Variants in PACRG observed in about 807,000 individuals in gnomAD.
PACRG encodes the protein parkin coregulated.
In PACRG, 29 loss-of-function variants were observed where a neutral mutation model predicts 29.7. The ratio of observed to expected loss-of-function variants is 0.98; its 90% CI spans 0.73 to 1.33. The LOEUF (loss-of-function observed/expected upper bound fraction) is 1.33, where lower values mean the gene tolerates loss of function less well. Among genes scored for constraint, PACRG ranks in the 40% most tolerant of loss-of-function variants. The pLI, the probability that PACRG is intolerant of heterozygous loss-of-function variation, is 0.00. For synonymous variants in PACRG, 116 were observed against 118.7 expected, an observed-to-expected ratio of 0.98 and a Z score of 0.15; for missense variants, 279 against 316.2, an observed-to-expected ratio of 0.88 and a Z score of 0.89.
chr6:163,113,732 T>C (rs1032179020), intron 4 of PACRG, among the ~76,000 whole-genome samples: 2 of 152,112 alleles, frequency 1.3e-5, no homozygotes, highest in Non-Finnish European at 2.9e-5. Flanking sequence ...TTGCTACTGC[T>C]ACACCCACCC....
At chr6:162,858,284 GGAGA>G (rs1323375370) in intron 2 of PACRG, among the ~76,000 whole-genome samples, 1 of 152,086 alleles carries the variant, frequency 6.6e-6, no homozygotes, top group African/African-American at 2.4e-5. Context: ...CATGGCAGCA[GGAGA>G]GAGATAGAGA....
Position 162,764,207 on chromosome 6 carries a change from G to A in PACRG, c.156+35816G>A, listed in dbSNP as rs192569421. ...GGAGAATTGCTTGAACCCAGGAGGCGGAGGTTGCAGGGAGCCAGGATTGTG... is the reference window on the plus strand; with the variant it reads ...GGAGAATTGCTTGAACCCAGGAGGCAGAGGTTGCAGGGAGCCAGGATTGTG... On this transcript the variant is annotated intron_variant, in intron 1 of 4. Coordinates refer to ENST00000366888, the MANE Select transcript of PACRG (RefSeq NM_001080379.2). Among the ~76,000 whole-genome samples the A allele has an allele frequency of 5.8e-4, 89 of 152,224 alleles. No homozygotes were observed. In the East Asian group the frequency reaches 9.3e-3, roughly 16 times the overall value.
chr6:162,744,738 T>C (rs991398697), intron 1 of PACRG, among the ~76,000 whole-genome samples: 5 of 152,310 alleles, frequency 3.3e-5, no homozygotes, highest in African/African-American at 9.6e-5. Flanking sequence ...AAAAATTGTT[T>C]AAAGATTTTA....
intron 2 of PACRG, among the ~76,000 whole-genome samples, chr6:163,002,802 G>T (rs776109426): frequency 6.6e-6 from 1 of 152,162 alleles, no homozygotes; most frequent in Non-Finnish European, 1.5e-5. Context: ...TCTGAGATAG[G>T]TCTACCTATT....
chr6:163,010,209 A>G (rs1805484548), intron 2 of PACRG, among the ~76,000 whole-genome samples: 1 of 152,242 alleles, frequency 6.6e-6, no homozygotes, highest in Non-Finnish European at 1.5e-5. Flanking sequence ...GCTAGATGAT[A>G]TGAACTGTTC....
At chr6:163,046,247 C>T (rs1809363965) in intron 2 of PACRG, among the ~76,000 whole-genome samples, 1 of 151,314 alleles carries the variant, frequency 6.6e-6, no homozygotes, top group African/African-American at 2.4e-5. Flanking sequence ...CAAAGTCCCC[C>T]CATCCCAATG....
At chr6:162,894,143 A>G (rs1794988476) in intron 2 of PACRG, among the ~76,000 whole-genome samples, 1 of 152,146 alleles carries the variant, frequency 6.6e-6, no homozygotes, top group Non-Finnish European at 1.5e-5. Context: ...CGTCCTTCCC[A>G]TGACTAAAAC....
At chr6:163,235,233 A>G (rs952953717) in intron 4 of PACRG, among the ~76,000 whole-genome samples, 5 of 152,114 alleles carry the variant, frequency 3.3e-5, no homozygotes, top group African/African-American at 9.7e-5. Flanking sequence ...AATATCCCCA[A>G]ACCTGTCATA....
intron 4 of PACRG, among the ~76,000 whole-genome samples, chr6:163,178,681 A>G (rs1779505443): frequency 6.6e-6 from 1 of 152,186 alleles, no homozygotes; most frequent in Non-Finnish European, 1.5e-5. Context: ...TAATCTTTAC[A>G]TTAATGCTAC....
intron 2 of PACRG, among the ~76,000 whole-genome samples, chr6:162,920,976 T>C (rs1001134924): frequency 2.0e-4 from 31 of 152,224 alleles, no homozygotes; most frequent in African/African-American, 7.2e-4. Context: ...TCCAAAATAA[T>C]GTATCTATTA....
intron 4 of PACRG, among the ~76,000 whole-genome samples, chr6:163,295,285 A>G (rs2128188330): frequency 6.6e-6 from 1 of 152,356 alleles, no homozygotes; most frequent in South Asian, 2.1e-4. Context: ...AAAAGTATTT[A>G]AAACCAAGTA....
chr6:162,979,979 G>T (rs1336829039), intron 2 of PACRG, among the ~76,000 whole-genome samples: 1 of 151,878 alleles, frequency 6.6e-6, no homozygotes, highest in Non-Finnish European at 1.5e-5. Context: ...TAACAGAAAT[G>T]AATACTAAAC....
intron 1 of PACRG, among the ~76,000 whole-genome samples, chr6:162,781,128 T>A (rs1784062217): frequency 6.6e-6 from 1 of 151,766 alleles, no homozygotes. Flanking sequence ...AAGGAGAACA[T>A]CTTAACAGAC....
At chr6:162,954,784 T>A (rs528279998) in intron 2 of PACRG, among the ~76,000 whole-genome samples, 1 of 152,232 alleles carries the variant, frequency 6.6e-6, no homozygotes, top group Admixed American at 6.5e-5. Context: ...TGCAGTGTTA[T>A]AGCAAGTGTA....
intron 2 of PACRG, among the ~76,000 whole-genome samples, chr6:162,925,034 A>T (rs1225966295): frequency 3.3e-5 from 5 of 152,218 alleles, no homozygotes; most frequent in African/African-American, 2.4e-5. Context: ...CACTATAAAC[A>T]TCTCTATGCA....
chr6:163,208,864 T>C (rs1010139300), intron 4 of PACRG, among the ~76,000 whole-genome samples: 2 of 152,270 alleles, frequency 1.3e-5, no homozygotes, highest in Non-Finnish European at 2.9e-5. Flanking sequence ...ATTTGTCTAA[T>C]GCCGAATGTT....
rs181787338 is a variant in PACRG, at chr6:163,088,990, G to A, written c.464-269G>A. Among the ~76,000 whole-genome samples the A allele has an allele frequency of 2.6e-5, 4 of 152,022 alleles. No homozygotes were observed. In the East Asian group the frequency reaches 5.8e-4, roughly 22 times the overall value. On this transcript the variant is annotated intron_variant, in intron 3 of 4. Coordinates refer to ENST00000366888, the MANE Select transcript of PACRG (RefSeq NM_001080379.2). Reference sequence around the variant, plus strand: ...TACTGCTTATCCAACTCAGAGCCCCGGCCTCTTCTACGAGGGGAAAATGAG... The same window carrying A: ...TACTGCTTATCCAACTCAGAGCCCCAGCCTCTTCTACGAGGGGAAAATGAG...
intron 3 of PACRG, among the ~76,000 whole-genome samples, chr6:163,087,483 G>GT (rs1813677132): frequency 6.6e-6 from 1 of 150,540 alleles, no homozygotes. Context: ...ATGGAGACCA[G>GT]GACCAGAGGA....
chr6:162,856,864 A>AT (rs1370264439), intron 2 of PACRG, among the ~76,000 whole-genome samples: 2 of 152,126 alleles, frequency 1.3e-5, no homozygotes, highest in East Asian at 3.9e-4. Context: ...TGTTTTTCCC[A>AT]TTTTTGGCTG....
Sources: gnomAD v4.1 joint callset for allele counts (sites outside exome capture counted in the v4.1 genomes callset) on GRCh38, gnomAD v4.1.1 for gene constraint, MANE v1.5 for transcripts, NCBI Gene and HGNC (gene_info 2026-07-23, HGNC 2026-07-21) for gene names.